Variants in EVL observed in about 807,000 individuals in gnomAD.
EVL encodes ena/VASP-like protein.
In EVL, 21 loss-of-function variants were observed where a neutral mutation model predicts 59.6. The ratio of observed to expected loss-of-function variants is 0.35; its 90% CI spans 0.25 to 0.51. The LOEUF (loss-of-function observed/expected upper bound fraction) is 0.51. Among genes scored for constraint, EVL ranks in the 20% least tolerant of loss-of-function variants. The pLI is 0.97. For synonymous variants in EVL, 198 were observed against 203.5 expected (o/e 0.97, Z 0.23); for missense variants, 462 against 546.6 (o/e 0.85, Z 1.54).
At position 100,120,033 on chromosome 14, in the gene EVL, TCA is replaced by T. The variant is rs1887596604; in HGVS notation, c.359-3503_359-3502del. On this transcript the variant is annotated intron_variant, in intron 3 of 13. Coordinates refer to ENST00000392920, the MANE Select transcript of EVL (RefSeq NM_016337.3). ...CCTCTAGCAGAAAGGCATCTGAAAC[TCA>T]CAGCCCTGAGAAAAAGGCTGGGTCA... Among the ~76,000 whole-genome samples, 5 of 152,270 alleles carry T rather than the reference TCA, an allele frequency of 3.3e-5. No homozygotes were observed. In the South Asian group the frequency reaches 8.3e-4, roughly 25 times the overall value.
At chr14:100,080,817 T>A (rs2062284327) in intron 1 of EVL, among the ~76,000 whole-genome samples, 1 of 152,164 alleles carries the variant, frequency 6.6e-6, no homozygotes, top group Non-Finnish European at 1.5e-5. Flanking sequence ...CTGATTTCAC[T>A]CCCCAACTAA....
At chr14:100,054,920 G>A (rs889915801) in intron 1 of EVL, among the ~76,000 whole-genome samples, 5 of 151,914 alleles carry the variant, frequency 3.3e-5, no homozygotes, top group Non-Finnish European at 5.9e-5. Context: ...TCTGTGTCCT[G>A]GCCGGGCATG....
At chr14:100,138,587 G>C (rs1170961636) in intron 11 of EVL, 1 of 152,774 alleles carries the variant, frequency 6.5e-6, no homozygotes, top group Non-Finnish European at 1.5e-5. Context: ...CAGGTGGTGA[G>C]AGCAGAGCAG....
At chr14:100,041,820 A>G (rs993784330) in intron 1 of EVL, among the ~76,000 whole-genome samples, 2 of 152,168 alleles carry the variant, frequency 1.3e-5, no homozygotes, top group African/African-American at 4.8e-5. Context: ...TTGTGTGCCA[A>G]TAGTAATACC....
chr14:100,128,391 G>A (rs1421301988), intron 5 of EVL, 128 bp from the exon 6 acceptor site: 1 of 908,868 alleles, frequency 1.1e-6, no homozygotes, highest in Non-Finnish European at 1.8e-6. Context: ...AGCAGGCCTG[G>A]AGCTGTTTCT....
intron 1 of EVL, among the ~76,000 whole-genome samples, chr14:100,037,290 G>A (rs2061402656): frequency 6.6e-6 from 1 of 152,210 alleles, no homozygotes; most frequent in African/African-American, 2.4e-5. Flanking sequence ...ATTTCTCCAA[G>A]GTGTAGCATC....
intron 1 of EVL, among the ~76,000 whole-genome samples, chr14:100,027,260 A>G (rs1000720150): frequency 7.2e-5 from 11 of 152,196 alleles, no homozygotes; most frequent in African/African-American, 2.4e-4. Context: ...GAAAATTCCA[A>G]TTACACTTTT....
At chr14:100,053,175 G>A (rs1281304223) in intron 1 of EVL, among the ~76,000 whole-genome samples, 1 of 152,170 alleles carries the variant, frequency 6.6e-6, no homozygotes, top group Non-Finnish European at 1.5e-5. Context: ...AATTTTGGGG[G>A]CCACAGTCAG....
intron 1 of EVL, among the ~76,000 whole-genome samples, chr14:100,015,074 T>G (rs891773082): frequency 6.6e-6 from 1 of 152,232 alleles, no homozygotes; most frequent in Non-Finnish European, 1.5e-5. Flanking sequence ...TCAGTCCTTA[T>G]TTTGCTTCAC....
At chr14:100,116,020 C>T (rs1485545016) in intron 3 of EVL, among the ~76,000 whole-genome samples, 1 of 152,256 alleles carries the variant, frequency 6.6e-6, no homozygotes, top group Non-Finnish European at 1.5e-5. Flanking sequence ...CTGGTCCCAG[C>T]TCTGCCACCA....
At chr14:99,998,261 C>T (rs554248496) in intron 1 of EVL, among the ~76,000 whole-genome samples, 32 of 152,146 alleles carry the variant, frequency 2.1e-4, no homozygotes, top group Middle Eastern at 6.8e-3. Context: ...CAGTGATCCT[C>T]CCACCCCAGC....
chr14:100,007,520 A>G (rs969281020), intron 1 of EVL, among the ~76,000 whole-genome samples: 1 of 152,144 alleles, frequency 6.6e-6, no homozygotes, highest in African/African-American at 2.4e-5. Flanking sequence ...TCTCTTATCT[A>G]CTCACATCAT....
chr14:100,001,917 A>G (rs1397989663), intron 1 of EVL, among the ~76,000 whole-genome samples: 1 of 152,234 alleles, frequency 6.6e-6, no homozygotes, highest in Non-Finnish European at 1.5e-5. Context: ...ACAAACTTTT[A>G]TTGTACTTAT....
intron 1 of EVL, among the ~76,000 whole-genome samples, chr14:100,056,032 G>A (rs901714307): frequency 4.0e-5 from 6 of 151,854 alleles, no homozygotes; most frequent in South Asian, 2.1e-4. Flanking sequence ...GGCTGGTCTC[G>A]AACTCCTGAC....
intron 1 of EVL, among the ~76,000 whole-genome samples, chr14:100,016,199 T>G (rs2061048613): frequency 6.6e-6 from 1 of 152,028 alleles, no homozygotes; most frequent in African/African-American, 2.4e-5. Context: ...GAGCCTGAGT[T>G]GTTGGCGAAT....
intron 1 of EVL, among the ~76,000 whole-genome samples, chr14:100,043,511 C>G (rs1363784040): frequency 1.3e-5 from 2 of 151,318 alleles, no homozygotes; most frequent in African/African-American, 2.4e-5. Flanking sequence ...GTCCTGGAGC[C>G]CAAAGGCTGG....
rs1021971706 is a variant in EVL, at chr14:100,109,356, C to A, written c.358+11698C>A. The A allele has an allele frequency of 1.1e-5, 4 of 357,068 alleles. No homozygotes were observed. Among genetic ancestry groups the A allele is most frequent in the African/African-American group, 8.6e-5 (4 of 46,726 alleles). The allele number at this position is 357,068 out of a possible 1,614,324, so 22.1% of individuals were successfully genotyped here. On this transcript the variant is annotated intron_variant, in intron 3 of 13. Coordinates refer to ENST00000392920, the MANE Select transcript of EVL (RefSeq NM_016337.3). The surrounding 1 kb of genome is among the most constrained non-coding windows in gnomAD (Gnocchi z 4.3). ...CTGCTGTTGTGAAGCCTTCCCAGTG[C>A]CCCAGAAGACCTCAGGCACCCCTTC... is the stretch of plus-strand genomic sequence containing the variant.
At chr14:99,993,673 GTTTCTTTC>G (rs1233008979) in intron 1 of EVL, among the ~76,000 whole-genome samples, 124 of 101,982 alleles carry the variant, frequency 1.2e-3, no homozygotes, top group Admixed American at 8.0e-3. Flanking sequence ...TTTTCAGATT[GTTTCTTTC>G]TTTCTTTTTT....
Position 100,106,586 on chromosome 14 carries a change from C to A in EVL, c.358+8928C>A, listed in dbSNP as rs547341108. 8.7e-6 allele frequency: 3 copies of A among 346,280 alleles called. No individual in the cohort carries two copies. The South Asian group carries it at 4.6e-4, about 53-fold the overall frequency. The allele number at this position is 346,280 out of a possible 1,614,324, so 21.5% of individuals were successfully genotyped here. On this transcript the variant is annotated intron_variant, in intron 3 of 13. Transcript: ENST00000392920. ...CTGCTTCTCTTTTCTCTCTCCTTTG[C>A]AGTACATGTAAGGCATTATATCCGA... is the stretch of plus-strand genomic sequence containing the variant.
Sources: allele counts gnomAD v4.1 joint callset (sites outside exome capture counted in the v4.1 genomes callset), GRCh38; gene constraint gnomAD v4.1.1; non-coding constraint Gnocchi (gnomAD v3.1); transcripts MANE v1.5; gene names NCBI Gene and HGNC (gene_info 2026-07-23, HGNC 2026-07-21).